NTPCR: variants seen among roughly 807,000 people sequenced by gnomAD.
NTPCR encodes the protein cancer-related nucleoside-triphosphatase.
NTPCR carries 15 observed loss-of-function variants against 19.5 expected under a neutral mutation model. That is an observed-to-expected ratio of 0.77 (90% CI 0.51 to 1.18). The LOEUF (loss-of-function observed/expected upper bound fraction) is 1.18. Ranked by LOEUF, NTPCR falls within the 50% of genes most tolerant of loss-of-function variation. The pLI, the probability that NTPCR is intolerant of heterozygous loss-of-function variation, is 0.00. For missense variants in NTPCR, 206 were observed against 240.4 expected (o/e 0.86, Z 0.95); for synonymous variants, 90 against 95.8 (o/e 0.94, Z 0.36).
chr1:232,964,727 G>T (rs960886520), intron 3 of NTPCR: 1 of 151,960 alleles, frequency 6.6e-6, no homozygotes, highest in Non-Finnish European at 1.5e-5. Context: ...ATTTGTATCC[G>T]GTTACCTCCC....
In NTPCR at chr1:232,953,538, A is replaced by G. The variant is rs1325374155; in HGVS notation, c.35-2019A>G. On this transcript the variant is annotated intron_variant, in intron 1 of 4. Coordinates refer to ENST00000366628, the MANE Select transcript of NTPCR (RefSeq NM_032324.3). Reference sequence around the variant, plus strand: ...GAACAGGAATAGTTACCGTTGCTCCATTTTATCTTTTTCAAAATATAAACG... The same window carrying G: ...GAACAGGAATAGTTACCGTTGCTCCGTTTTATCTTTTTCAAAATATAAACG... Among the ~76,000 whole-genome samples the G allele has an allele frequency of 2.0e-5, 3 of 152,154 alleles. No individual in the cohort carries two copies. In the East Asian group the frequency reaches 5.8e-4, roughly 29 times the overall value.
At chr1:232,959,670 G>C (rs934405570) in intron 3 of NTPCR, among the ~76,000 whole-genome samples, 1 of 152,042 alleles carries the variant, frequency 6.6e-6, no homozygotes, top group Admixed American at 6.6e-5. Context: ...AAGTAAACTG[G>C]AAGTGTTAGA....
At position 232,950,761 on chromosome 1, in the gene NTPCR, C is replaced by G; in HGVS notation, c.34+17C>G. 1 of 1,579,706 alleles carries G rather than the reference C, an allele frequency of 6.3e-7. No individual in the cohort carries two copies. Among genetic ancestry groups the G allele is most frequent in the Non-Finnish European group, 8.6e-7 (1 of 1,159,142 alleles). ...GGCCCCCAGGTAACCCTGAGGGGATCCCCACCTCCAAGAGGTCGAGGGGGT... is the reference window on the plus strand; with the variant it reads ...GGCCCCCAGGTAACCCTGAGGGGATGCCCACCTCCAAGAGGTCGAGGGGGT... On this transcript the variant is annotated intron_variant, in intron 1 of 4. Transcript: ENST00000366628.
chr1:232,973,882 TAAAAG>T (rs771357150), intron 4 of NTPCR, among the ~76,000 whole-genome samples: 4 of 152,052 alleles, frequency 2.6e-5, no homozygotes, highest in African/African-American at 4.8e-5. Flanking sequence ...AGAGCAGACT[TAAAAG>T]AAAAAGTAAT....
intron 4 of NTPCR, among the ~76,000 whole-genome samples, chr1:232,970,570 C>T (rs1264133667): frequency 6.6e-6 from 1 of 152,196 alleles, no homozygotes; most frequent in East Asian, 1.9e-4. Flanking sequence ...GGAGACACAG[C>T]TTCCAGGTGC....
chr1:232,962,958 C>A (rs1668708376), intron 3 of NTPCR: 1 of 152,148 alleles, frequency 6.6e-6, no homozygotes, highest in South Asian at 2.1e-4. Context: ...TCTCAGGCCA[C>A]TTGGCTTTAG....
Position 232,952,939 on chromosome 1 carries a change from G to T in NTPCR, c.34+2195G>T, listed in dbSNP as rs1469307395. ...GGAGCCCACTTGGCCTGCAAACAGA[G>T]CAGGCCAGAAGAGCCAGGGAATTCC... On this transcript the variant is annotated intron_variant, in intron 1 of 4. Transcript: ENST00000366628. Among the ~76,000 whole-genome samples, 3 of 152,140 alleles carry T rather than the reference G, an allele frequency of 2.0e-5. No homozygotes were observed. In the East Asian group the frequency reaches 5.8e-4, roughly 29 times the overall value.
chr1:232,958,668 T>C (rs916589227), intron 3 of NTPCR, among the ~76,000 whole-genome samples: 2 of 152,234 alleles, frequency 1.3e-5, no homozygotes, highest in Non-Finnish European at 2.9e-5. Flanking sequence ...TCAGTTCCTG[T>C]GCTGGGGACT....
chr1:232,963,052 A>G (rs1293861816), intron 3 of NTPCR: 1 of 152,212 alleles, frequency 6.6e-6, no homozygotes, highest in Non-Finnish European at 1.5e-5. Flanking sequence ...AATTTCTGTC[A>G]TTGCTGTTAG....
At chr1:232,976,187 T>C (rs888695817) in intron 4 of NTPCR, 36 of 778,524 alleles carry the variant, frequency 4.6e-5, no homozygotes, top group Non-Finnish European at 5.8e-5. Context: ...TGGGGTACAG[T>C]GTGATGTTTC....
rs1418385389 is a variant in NTPCR, at chr1:232,980,285, C to T, written c.*2054C>T. 1.3e-5 allele frequency: 2 copies of T among 152,234 alleles called. No individual in the cohort carries two copies. Among genetic ancestry groups the T allele is most frequent in the African/African-American group, 4.8e-5 (2 of 41,450 alleles). The allele number at this position is 152,234 out of a possible 1,614,324, so 9.4% of individuals were successfully genotyped here. The stretch of plus-strand genomic sequence containing the variant: ...TTGGGGCTGCGGGAGCTTCTGCACA[C>T]TTTCCCTTTAACGGTAAAGAGACAA... On this transcript the variant is annotated 3_prime_UTR_variant, in exon 5 of 5. Coordinates refer to ENST00000366628, the MANE Select transcript of NTPCR (RefSeq NM_032324.3).
chr1:232,972,668 C>T (rs1028086778), intron 4 of NTPCR, among the ~76,000 whole-genome samples: 8 of 150,600 alleles, frequency 5.3e-5, no homozygotes, highest in Admixed American at 4.0e-4. Flanking sequence ...CTGAAACAAT[C>T]TGCCTGCCTC....
At chr1:232,966,444 G>C (rs147314501) in intron 3 of NTPCR, 1 of 152,010 alleles carries the variant, frequency 6.6e-6, no homozygotes, top group African/African-American at 2.4e-5. Context: ...AAGACCACTT[G>C]GATTAGCTTG....
At chr1:232,971,741 AG>A (rs1052530499) in intron 4 of NTPCR, among the ~76,000 whole-genome samples, 5 of 152,198 alleles carry the variant, frequency 3.3e-5, no homozygotes, top group African/African-American at 1.2e-4. Flanking sequence ...TAAAGAAACC[AG>A]GCAATGTGGT....
chr1:232,969,950 C>T lies in NTPCR; in HGVS notation c.336C>T (p.Ile112=), dbSNP rs538225495. ...SSGPGQRVCV[I]DEIGKMELFS... is the part of the protein sequence containing the mutation. ...GCCCAGGGCAAAGAGTGTGCGTCAT[C>T]GATGAGATTGGGAAGATGGAGCTCT... The change falls in exon 4 of 5, where the codon ATC becomes ATT. Residue 112 remains isoleucine, a synonymous_variant. Coordinates refer to ENST00000366628, the MANE Select transcript of NTPCR (RefSeq NM_032324.3). 191 of 1,614,044 alleles carry T rather than the reference C, an allele frequency of 1.2e-4. 5 individuals carry two copies. The South Asian group carries it at 1.5e-3, about 13-fold the overall frequency.
At chr1:232,965,019 A>G (rs1668775228) in intron 3 of NTPCR, 1 of 152,192 alleles carries the variant, frequency 6.6e-6, no homozygotes, top group African/African-American at 2.4e-5. Flanking sequence ...ACTTTATCAT[A>G]TCTGCCTACT....
chr1:232,952,919 C>A (rs1313220047), intron 1 of NTPCR, among the ~76,000 whole-genome samples: 2 of 152,150 alleles, frequency 1.3e-5, no homozygotes, highest in Non-Finnish European at 2.9e-5. Flanking sequence ...TCCCTGGAGC[C>A]CACTTGGCCT....
chr1:232,963,362 G>A (rs1023337828), intron 3 of NTPCR: 1 of 152,202 alleles, frequency 6.6e-6, no homozygotes, highest in African/African-American at 2.4e-5. Context: ...GCGAGATTCT[G>A]TGGATTTAGA....
At chr1:232,965,969 A>T (rs1398576781) in intron 3 of NTPCR, 1 of 152,162 alleles carries the variant, frequency 6.6e-6, no homozygotes, top group Non-Finnish European at 1.5e-5. Context: ...TTGACTGGGG[A>T]AGGGCCGGGT....
Sources: allele counts gnomAD v4.1 joint callset (sites outside exome capture counted in the v4.1 genomes callset), GRCh38; gene constraint gnomAD v4.1.1; transcripts MANE v1.5; gene names NCBI Gene and HGNC (gene_info 2026-07-23, HGNC 2026-07-21).